The following PHEX variants were observed in gnomAD, a reference collection of about 807,000 sequenced individuals.
PHEX encodes the protein phosphate-regulating neutral endopeptidase PHEX.
In PHEX, 16 loss-of-function variants were observed where a neutral mutation model predicts 68.0. That is an observed-to-expected ratio of 0.24 (90% CI 0.16 to 0.36). PHEX has a LOEUF of 0.36. PHEX is among the 10% of genes least tolerant of loss of function. The pLI, the probability that PHEX is intolerant of heterozygous loss-of-function variation, is 1.00. For synonymous variants in PHEX, 208 were observed against 205.1 expected (o/e 1.01, Z -0.12); for missense variants, 480 against 575.5 (o/e 0.83, Z 1.70).
intron 3 of PHEX, among the ~76,000 whole-genome samples, chrX:22,075,076 C>CTAAA (rs1569380133): frequency 1.5e-4 from 13 of 89,559 alleles, no homozygotes; most frequent in African/African-American, 4.5e-4. Flanking sequence ...TACTCTGTTT[C>CTAAA]AAAAAAAAAA....
intron 14 of PHEX, among the ~76,000 whole-genome samples, chrX:22,184,140 C>T (rs1395472863): frequency 9.0e-6 from 1 of 111,559 alleles, no homozygotes; most frequent in Non-Finnish European, 1.9e-5. Context: ...GCTTGTAATT[C>T]TTGTTTCCTC....
intron 12 of PHEX, among the ~76,000 whole-genome samples, chrX:22,135,538 C>G (rs1313006656): frequency 9.0e-6 from 1 of 111,128 alleles, no homozygotes; most frequent in Non-Finnish European, 1.9e-5. Context: ...TTATGAATAG[C>G]TGGATGCCAG....
chrX:22,220,681 G>A (rs990591194), intron 17 of PHEX, among the ~76,000 whole-genome samples: 5 of 111,781 alleles, frequency 4.5e-5, no homozygotes, highest in African/African-American at 1.6e-4. Context: ...GTACATGCCC[G>A]GTACCTATTT....
intron 20 of PHEX, among the ~76,000 whole-genome samples, chrX:22,232,403 A>G (rs1374337436): frequency 9.1e-6 from 1 of 109,823 alleles, no homozygotes; most frequent in Admixed American, 9.8e-5. Context: ...GTCGGAGTCT[A>G]AGTCTCTTTG....
At chrX:22,060,342 G>T (rs929612359) in intron 3 of PHEX, among the ~76,000 whole-genome samples, 2 of 110,905 alleles carry the variant, frequency 1.8e-5, no homozygotes, top group Non-Finnish European at 3.8e-5. Context: ...TTAGAAGGGT[G>T]GGGAGTAAGG....
At position 22,247,843 on chromosome X, in the gene PHEX, T is replaced by G. The variant is rs770085513; in HGVS notation, c.2148-8T>G. The G allele has an allele frequency of 4.3e-6, 5 of 1,160,868 alleles. No individual in the cohort carries two copies. The African/African-American group carries it at 7.0e-5, about 16-fold the overall frequency. ...ATATGACATATGCTTTGACATATCGTTTTTCAGGGTCAATGGTGCAATTAG... is the reference window on the plus strand; with the variant it reads ...ATATGACATATGCTTTGACATATCGGTTTTCAGGGTCAATGGTGCAATTAG... On this transcript the variant is annotated splice_region_variant and splice_polypyrimidine_tract_variant and intron_variant, in intron 21 of 21. Coordinates refer to ENST00000379374, the MANE Select transcript of PHEX (RefSeq NM_000444.6).
At chrX:22,096,856 T>C in intron 7 of PHEX, 99 bp from the exon 8 acceptor site, 1 of 666,683 alleles carries the variant, frequency 1.5e-6, no homozygotes, top group Non-Finnish European at 2.4e-6. Context: ...CTTGAAAAAC[T>C]TTATAATACT....
At chrX:22,103,665 T>C (rs772291057) in intron 9 of PHEX, among the ~76,000 whole-genome samples, 1 of 112,518 alleles carries the variant, frequency 8.9e-6, no homozygotes, top group East Asian at 2.8e-4. Flanking sequence ...TAGTATTCCA[T>C]GGTGTATATA....
intron 3 of PHEX, among the ~76,000 whole-genome samples, chrX:22,058,899 G>A (rs986183581): frequency 9.8e-5 from 11 of 111,829 alleles, no homozygotes; most frequent in Admixed American, 7.6e-4. Context: ...CTGCCTCCCC[G>A]ATTCAAATGA....
intron 15 of PHEX, among the ~76,000 whole-genome samples, chrX:22,193,786 T>G (rs768712794): frequency 1.7e-4 from 19 of 112,185 alleles, no homozygotes; most frequent in African/African-American, 5.8e-4. Flanking sequence ...AGGGTATACA[T>G]CCAGGAGTGG....
At chrX:22,114,112 G>A (rs1399052800) in intron 10 of PHEX, among the ~76,000 whole-genome samples, 1 of 108,318 alleles carries the variant, frequency 9.2e-6, no homozygotes, top group African/African-American at 3.4e-5. Context: ...ACCGTGCCCG[G>A]CTAATTTTTG....
intron 20 of PHEX, among the ~76,000 whole-genome samples, chrX:22,241,017 T>C (rs1323334552): frequency 8.9e-6 from 1 of 111,858 alleles, no homozygotes; most frequent in Non-Finnish European, 1.9e-5. Flanking sequence ...ATTGACCACA[T>C]AGTTGGAGGT....
chrX:22,090,535 G>A, intron 6 of PHEX, 38 bp downstream of exon 6: 1 of 987,280 alleles, frequency 1.0e-6, no homozygotes, highest in Non-Finnish European at 1.4e-6. Context: ...GCCTTACCAG[G>A]CTGCTGTCAG....
intron 20 of PHEX, among the ~76,000 whole-genome samples, chrX:22,232,075 G>A (rs6633531): frequency 0.051 from 5,718 of 111,691 alleles, 153 homozygotes; most frequent in South Asian, 0.22. Context: ...GTAGCTGTGT[G>A]GTTTTGAGTG....
intron 20 of PHEX, among the ~76,000 whole-genome samples, chrX:22,244,584 G>A (rs773331205): frequency 3.6e-5 from 4 of 110,969 alleles, no homozygotes; most frequent in South Asian, 3.9e-4. Flanking sequence ...CCTGGGTGAC[G>A]GAGCGAGACT....
chrX:22,202,071 A>G (rs995833676), intron 15 of PHEX, among the ~76,000 whole-genome samples: 2 of 112,533 alleles, frequency 1.8e-5, no homozygotes, highest in African/African-American at 6.5e-5. Flanking sequence ...TCATTTAAAG[A>G]TAGTCATGGT....
rs1569100012 is a variant in PHEX, at chrX:22,249,454, A to AT, written c.*1501_*1502insT. The AT allele has an allele frequency of 4.0e-3, 171 of 42,976 alleles. No homozygotes were observed. Among genetic ancestry groups the AT allele is most frequent in the African/African-American group, 0.012 (110 of 8,803 alleles). 3.5% of individuals were successfully genotyped at this position (42,976 alleles called of 1,213,427 possible). A position where few individuals can be genotyped will look rare whatever the true frequency, so the allele number is the denominator to read the frequency against. ...TTTGTGATTCTTTTAAAAAAAAAAAAAATATATATATATATATATATATAT... is the reference window on the plus strand; with the variant it reads ...TTTGTGATTCTTTTAAAAAAAAAAAATAATATATATATATATATATATATAT... On this transcript the variant is annotated 3_prime_UTR_variant, in exon 22 of 22. Transcript: ENST00000379374.
rs756512186 is a variant in PHEX at position 22,099,061 on chromosome X, T to G, written c.989T>G (p.Leu330Arg). The G allele has an allele frequency of 8.3e-7, 1 of 1,208,617 alleles. No homozygotes were observed. Among genetic ancestry groups the G allele is most frequent in the Admixed American group, 2.2e-5 (1 of 46,023 alleles). The stretch of plus-strand genomic sequence containing the variant: ...ATTGACACCAGACTCTACCCCCATC[T>G]GAAAGACATCAGCCCCTCCGAGAAT... ...KVIDTRLYPH[L>R]KDISPSENVV... The change falls in exon 9 of 22, where the codon CTG (leucine) becomes CGG (arginine). Residue 330 changes from leucine to arginine, a missense_variant. Transcript: ENST00000379374.
chrX:22,182,023 G>A (rs1250766814), intron 14 of PHEX, among the ~76,000 whole-genome samples: 1 of 111,266 alleles, frequency 9.0e-6, no homozygotes, highest in Non-Finnish European at 1.9e-5. Flanking sequence ...TACAAACAAG[G>A]GTAATTTGAC....
Sources: gnomAD v4.1 joint callset for allele counts (sites outside exome capture counted in the v4.1 genomes callset) on GRCh38, gnomAD v4.1.1 for gene constraint, MANE v1.5 for transcripts, NCBI Gene and HGNC (gene_info 2026-07-23, HGNC 2026-07-21) for gene names.